Variants in HMG20A observed in about 807,000 individuals in gnomAD.
The protein encoded by HMG20A is high mobility group protein 20A.
A neutral mutation model predicts 43.9 loss-of-function variants in HMG20A; 17 were observed. The ratio of observed to expected loss-of-function variants is 0.39; its 90% confidence interval spans 0.27 to 0.58. HMG20A has a LOEUF of 0.58. HMG20A is among the 20% of genes least tolerant of loss of function. HMG20A has a pLI of 0.59. For synonymous variants in HMG20A, 132 were observed against 147.5 expected, an observed-to-expected ratio of 0.89 and a Z score of 0.76; for missense variants, 341 against 438.2, an observed-to-expected ratio of 0.78 and a Z score of 1.98.
At chr15:77,462,936 T>C (rs1463554475) in intron 2 of HMG20A, among the ~76,000 whole-genome samples, 7 of 151,978 alleles carry the variant, frequency 4.6e-5, no homozygotes, top group Admixed American at 4.6e-4. Context: ...CATGGCCAGC[T>C]AATTTTTTTA....
chr15:77,463,379 A>G (rs529243663), intron 2 of HMG20A, among the ~76,000 whole-genome samples: 20 of 152,146 alleles, frequency 1.3e-4, no homozygotes, highest in Admixed American at 4.6e-4. Flanking sequence ...TATTCCCTAT[A>G]ATACTATGGG....
At chr15:77,433,446 A>G (rs1348206968) in intron 1 of HMG20A, among the ~76,000 whole-genome samples, 1 of 152,186 alleles carries the variant, frequency 6.6e-6, no homozygotes, top group Non-Finnish European at 1.5e-5. Context: ...AGTGTTACTC[A>G]AACTCTTCAA....
At chr15:77,443,923 C>T (rs2073644698) in intron 1 of HMG20A, among the ~76,000 whole-genome samples, 1 of 152,022 alleles carries the variant, frequency 6.6e-6, no homozygotes, top group Admixed American at 6.6e-5. Flanking sequence ...GTTGCCCCGG[C>T]TGGTCTCAAA....
At chr15:77,435,819 C>CTTTTTTTTT (rs35390385) in intron 1 of HMG20A, among the ~76,000 whole-genome samples, 3 of 147,760 alleles carry the variant, frequency 2.0e-5, no homozygotes, top group Non-Finnish European at 4.5e-5. Context: ...GTAGGTGCAT[C>CTTTTTTTTT]TTTTTTTTTT....
At chr15:77,494,183 G>A in the HMG20A span, among the ~76,000 whole-genome samples, 2 of 152,090 alleles carry the variant, frequency 1.3e-5, no homozygotes, top group African/African-American at 4.8e-5. Flanking sequence ...AGGCTGGTAT[G>A]CAGTGGTGTG....
intron 1 of HMG20A, among the ~76,000 whole-genome samples, chr15:77,448,835 G>T (rs1249252323): frequency 1.3e-5 from 2 of 152,016 alleles, no homozygotes. Flanking sequence ...TGTAATCCCA[G>T]CACTTTGGGA....
the HMG20A span, among the ~76,000 whole-genome samples, chr15:77,506,224 G>A: frequency 1.3e-5 from 2 of 151,962 alleles, no homozygotes; most frequent in Non-Finnish European, 2.9e-5. Flanking sequence ...TTTATCTAGT[G>A]ATCTCATCCA....
intron 1 of HMG20A, among the ~76,000 whole-genome samples, chr15:77,429,821 G>A (rs529448099): frequency 3.8e-4 from 58 of 152,250 alleles, no homozygotes; most frequent in Non-Finnish European, 6.5e-4. Flanking sequence ...TTGTAAGAAT[G>A]TTTTTGCAAA....
chr15:77,460,279 G>A (rs961554605), intron 2 of HMG20A, among the ~76,000 whole-genome samples: 1 of 152,148 alleles, frequency 6.6e-6, no homozygotes, highest in African/African-American at 2.4e-5. Context: ...ATATTTGAAG[G>A]TATACCAAAC....
chr15:77,519,101 A>G, the HMG20A span, among the ~76,000 whole-genome samples: 29 of 152,200 alleles, frequency 1.9e-4, no homozygotes, highest in Non-Finnish European at 3.4e-4. Flanking sequence ...TCCTGGGTCC[A>G]TCCATTGTCC....
chr15:77,476,275 A>AT (rs568645160), intron 6 of HMG20A, among the ~76,000 whole-genome samples: 193 of 152,278 alleles, frequency 1.3e-3, no homozygotes, highest in African/African-American at 4.6e-3. Flanking sequence ...TGAGGTCAGG[A>AT]GTTCAAGACC....
At chr15:77,474,054 G>A (rs993439631) in intron 6 of HMG20A, among the ~76,000 whole-genome samples, 3 of 152,168 alleles carry the variant, frequency 2.0e-5, no homozygotes, top group Non-Finnish European at 4.4e-5. Context: ...CTGTTACCCA[G>A]TAATTTTCTT....
At chr15:77,481,168 A>G (rs1200382229) in intron 9 of HMG20A, among the ~76,000 whole-genome samples, 1 of 152,164 alleles carries the variant, frequency 6.6e-6, no homozygotes, top group Non-Finnish European at 1.5e-5. Context: ...CTTGGATGGT[A>G]ACTGTACAAG....
At chr15:77,464,215 G>A (rs777707523) in intron 2 of HMG20A, 25 bp from the exon 3 acceptor site, 12 of 1,609,514 alleles carry the variant, frequency 7.5e-6, no homozygotes, top group Non-Finnish European at 9.3e-6. Context: ...TTTTTGTGTT[G>A]TTGATACTTC....
At chr15:77,439,533 A>T (rs1174471710) in intron 1 of HMG20A, among the ~76,000 whole-genome samples, 1 of 152,134 alleles carries the variant, frequency 6.6e-6, no homozygotes, top group East Asian at 1.9e-4. Flanking sequence ...TCATCATTAT[A>T]TCTATGAAAT....
At chr15:77,458,880 G>T (rs763261348) in intron 2 of HMG20A, among the ~76,000 whole-genome samples, 33 of 152,096 alleles carry the variant, frequency 2.2e-4, no homozygotes, top group Admixed American at 6.5e-4. Flanking sequence ...TTTTAATGTG[G>T]TTCTTTATTC....
At chr15:77,423,859 C>T (rs1257944749) in intron 1 of HMG20A, among the ~76,000 whole-genome samples, 1 of 152,060 alleles carries the variant, frequency 6.6e-6, no homozygotes. Flanking sequence ...TCTTAAGAAC[C>T]TGAATGGTTT....
At chr15:77,480,654 G>A in intron 9 of HMG20A, among the ~76,000 whole-genome samples, 1 of 143,690 alleles carries the variant, frequency 7.0e-6, no homozygotes, top group African/African-American at 2.6e-5. Context: ...TTCTCAATAA[G>A]CAAAAAAGAG....
chr15:77,471,588 A>G (rs1337798454), intron 5 of HMG20A, among the ~76,000 whole-genome samples, 195 bp from the exon 6 acceptor site: 1 of 152,166 alleles, frequency 6.6e-6, no homozygotes, highest in South Asian at 2.1e-4. Flanking sequence ...CTTATGCCTA[A>G]TTATGAATTC....
Sources: gnomAD v4.1 joint callset for allele counts (sites outside exome capture counted in the v4.1 genomes callset) on GRCh38, gnomAD v4.1.1 for gene constraint, MANE v1.5 for transcripts, NCBI Gene and HGNC (gene_info 2026-07-23, HGNC 2026-07-21) for gene names.